HMGXB4: variants seen among roughly 807,000 people sequenced by gnomAD.
HMGXB4 encodes HMG-box containing 4, also known as HMG domain-containing protein 4.
A neutral mutation model predicts 63.9 loss-of-function variants in HMGXB4; 27 were observed. The observed-to-expected ratio is 0.42, with a 90% CI of 0.31 to 0.58. The LOEUF is 0.58. Among genes scored for constraint, HMGXB4 ranks in the 20% least tolerant of loss-of-function variants. The pLI, the probability that HMGXB4 is intolerant of heterozygous loss-of-function variation, is 0.13. For synonymous variants in HMGXB4, 264 were observed against 265.3 expected, an observed-to-expected ratio of 0.99 and a Z score of 0.05; for missense variants, 624 against 700.7, an observed-to-expected ratio of 0.89 and a Z score of 1.24.
intron 3 of HMGXB4, 142 bp from the exon 4 acceptor site, chr22:35,263,651 AAAG>A: frequency 1.5e-6 from 1 of 645,196 alleles, no homozygotes; most frequent in Non-Finnish European, 2.8e-6. Context: ...TAACTTGAGA[AAAG>A]AAAAATAAAA....
intron 7 of HMGXB4, chr22:35,286,851 CAAAA>C (rs67190857): frequency 0.016 from 1,166 of 72,794 alleles, 12 homozygotes; most frequent in African/African-American, 0.069. Flanking sequence ...AACTCCATCT[CAAAA>C]AAAAAAAAAA....
chr22:35,264,403 T>C (rs1923056353), intron 4 of HMGXB4, among the ~76,000 whole-genome samples: 1 of 152,218 alleles, frequency 6.6e-6, no homozygotes, highest in Non-Finnish European at 1.5e-5. Context: ...TGGTTGCTTC[T>C]GAAGACTCAA....
chr22:35,265,569 A>G lies in HMGXB4; in HGVS notation c.1181A>G (p.Glu394Gly). ...DGHSEKKKKKEEKDKERERGE... is the reference protein window; with the variant it reads ...DGHSEKKKKKGEKDKERERGE... ...CATAGTGAAAAAAAAAAGAAAAAAGAAGAGAAGGACAAAGAGAGAGAGAGA... is the reference window on the plus strand; with the variant it reads ...CATAGTGAAAAAAAAAAGAAAAAAGGAGAGAAGGACAAAGAGAGAGAGAGA... The change falls in exon 5 of 11, where the codon GAA becomes GGA. Residue 394 changes from glutamate to glycine, a missense_variant. Physicochemically the swap from Glu to Gly is moderately conservative, Grantham distance 98. Transcript: ENST00000216106. 2 of 1,596,734 alleles carry G rather than the reference A, an allele frequency of 1.3e-6. No homozygotes were observed. The highest frequency in any genetic ancestry group is 2.3e-5 in the South Asian group (2 of 88,032).
the HMGXB4 span, among the ~76,000 whole-genome samples, chr22:35,243,200 G>A: frequency 2.6e-5 from 4 of 151,996 alleles, no homozygotes; most frequent in Admixed American, 1.3e-4. Flanking sequence ...GTGAAACCCT[G>A]TCTCTACTAA....
chr22:35,266,849 G>C (rs968564214), intron 5 of HMGXB4, among the ~76,000 whole-genome samples: 3 of 152,026 alleles, frequency 2.0e-5, no homozygotes, highest in Non-Finnish European at 4.4e-5. Context: ...CCTGGTGTGG[G>C]GGTGCACATC....
chr22:35,273,161 A>G (rs756704327), intron 5 of HMGXB4, among the ~76,000 whole-genome samples: 13 of 152,206 alleles, frequency 8.5e-5, no homozygotes, highest in Non-Finnish European at 1.5e-4. Flanking sequence ...AGGCTAAGTA[A>G]CAGCAACAAT....
chr22:35,259,358 A>C (rs929579321), intron 1 of HMGXB4, among the ~76,000 whole-genome samples: 1 of 152,228 alleles, frequency 6.6e-6, no homozygotes, highest in Non-Finnish European at 1.5e-5. Flanking sequence ...CAAATTATTG[A>C]ATTGAGACTG....
At chr22:35,250,613 T>A in the HMGXB4 span, among the ~76,000 whole-genome samples, 1 of 152,024 alleles carries the variant, frequency 6.6e-6, no homozygotes, top group Non-Finnish European at 1.5e-5. Context: ...GGACAAGACA[T>A]CCAAACCATA....
chr22:35,247,559 C>G, the HMGXB4 span, among the ~76,000 whole-genome samples: 17 of 152,118 alleles, frequency 1.1e-4, no homozygotes, highest in Non-Finnish European at 1.5e-5. Flanking sequence ...CCCAAACTCC[C>G]CACTCCATCT....
At chr22:35,279,066 T>C (rs1924078137) in intron 5 of HMGXB4, among the ~76,000 whole-genome samples, 1 of 150,532 alleles carries the variant, frequency 6.6e-6, no homozygotes, top group African/African-American at 2.4e-5. Context: ...GAGAGAGAGA[T>C]TTTTGGATAA....
intron 6 of HMGXB4, 71 bp from the exon 7 acceptor site, chr22:35,285,926 C>G: frequency 3.3e-6 from 4 of 1,197,342 alleles, no homozygotes; most frequent in Non-Finnish European, 3.6e-6. Context: ...CCAGTTTTTG[C>G]TTTCACCAAT....
the HMGXB4 span, among the ~76,000 whole-genome samples, chr22:35,243,351 CAAG>C: frequency 6.6e-6 from 1 of 151,686 alleles, no homozygotes; most frequent in African/African-American, 2.4e-5. Context: ...GCCTGTGTGA[CAAG>C]AAAGAAACTC....
In HMGXB4 at chr22:35,263,858, T is replaced by C. The variant is rs1175864629; in HGVS notation, c.243T>C (p.Asp81=). The change falls in exon 4 of 11, where the codon GAT becomes GAC. Residue 81 remains aspartate (D), a synonymous_variant. Transcript: ENST00000216106. The part of the protein sequence containing the change: ...THKKKRKHSS[D]DYYYGDISSL... Reference sequence around the variant, plus strand: ...AGAAGAAGAGGAAGCACTCCTCTGATGATTACTACTATGGAGGTGAGGATG... The same window carrying C: ...AGAAGAAGAGGAAGCACTCCTCTGACGATTACTACTATGGAGGTGAGGATG... 1 of 1,613,440 alleles carries C rather than the reference T, an allele frequency of 6.2e-7. No individual in the cohort carries two copies. Among genetic ancestry groups the C allele is most frequent in the East Asian group, 2.2e-5 (1 of 44,892 alleles).
rs757502367 is a variant in HMGXB4, at chr22:35,264,941, C to T, written c.553C>T (p.Arg185Trp). 8 of 1,614,024 alleles carry T rather than the reference C, an allele frequency of 5.0e-6. No homozygotes were observed. The highest frequency in any genetic ancestry group is 1.1e-5 in the South Asian group (1 of 91,058). ...LYVNTETLTL[R>W]EPDGLKMKLI... ...TGTGAACACAGAGACACTGACCCTT[C>T]GGGAGCCTGATGGTTTAAAAATGAA... The change falls in exon 5 of 11, where the codon CGG becomes TGG. Residue 185 changes from arginine to tryptophan, a missense_variant. By Grantham distance (101) the Arg-to-Trp change is moderately radical (BLOSUM62 -3). Coordinates refer to ENST00000216106, the MANE Select transcript of HMGXB4 (RefSeq NM_001003681.3).
chr22:35,286,102 C>A, intron 7 of HMGXB4, 41 bp downstream of exon 7: 2 of 1,382,400 alleles, frequency 1.4e-6, no homozygotes, highest in Non-Finnish European at 2.0e-6. Flanking sequence ...CAGTGCTTCT[C>A]GCCTTCCAAA....
chr22:35,277,295 T>C (rs1314246437), intron 5 of HMGXB4, among the ~76,000 whole-genome samples: 1 of 152,242 alleles, frequency 6.6e-6, no homozygotes, highest in Non-Finnish European at 1.5e-5. Flanking sequence ...TGTCTCATTT[T>C]ATTTGTGTGT....
At chr22:35,281,938 A>T (rs1924265570) in intron 5 of HMGXB4, among the ~76,000 whole-genome samples, 1 of 152,204 alleles carries the variant, frequency 6.6e-6, no homozygotes, top group African/African-American at 2.4e-5. Context: ...GAGTCATCAC[A>T]TAAGCTTTTT....
chr22:35,293,554 C>T, intron 10 of HMGXB4, 53 bp from the exon 11 acceptor site: 1 of 1,255,188 alleles, frequency 8.0e-7, no homozygotes, highest in Non-Finnish European at 1.2e-6. Flanking sequence ...AAACATCTCT[C>T]AGGAAACCAA....
intron 9 of HMGXB4, among the ~76,000 whole-genome samples, chr22:35,290,262 T>C (rs1473237962): frequency 6.6e-6 from 1 of 152,210 alleles, no homozygotes; most frequent in Non-Finnish European, 1.5e-5. Context: ...GTTCACCCTT[T>C]TAAAGTGCAG....
Sources: gnomAD v4.1 joint callset for allele counts (sites outside exome capture counted in the v4.1 genomes callset) on GRCh38, gnomAD v4.1.1 for gene constraint, MANE v1.5 for transcripts, NCBI Gene and HGNC (gene_info 2026-07-23, HGNC 2026-07-21) for gene names.